The following LUZP2 variants were observed in gnomAD, a reference collection of about 807,000 sequenced individuals.
The protein encoded by LUZP2 is leucine zipper protein 2.
LUZP2 carries 52 observed loss-of-function variants against 51.6 expected under a neutral mutation model. The ratio of observed to expected loss-of-function variants is 1.01; its 90% CI spans 0.81 to 1.27. The LOEUF (loss-of-function observed/expected upper bound fraction) is 1.27. LUZP2 is among the 50% of genes most tolerant of loss of function. The pLI, the probability that LUZP2 is intolerant of heterozygous loss-of-function variation, is 0.00. For synonymous variants in LUZP2, 154 were observed against 137.3 expected (o/e 1.12, Z -0.85); for missense variants, 436 against 395.4 (o/e 1.10, Z -0.87).
intron 1 of LUZP2, among the ~76,000 whole-genome samples, chr11:24,717,473 T>A (rs1284645268): frequency 6.7e-6 from 1 of 150,294 alleles, no homozygotes; most frequent in Non-Finnish European, 1.5e-5. Flanking sequence ...AGTGGCGCCA[T>A]CTCGGCTCAC....
At chr11:24,599,127 T>G (rs879693476) in intron 1 of LUZP2, among the ~76,000 whole-genome samples, 1 of 152,090 alleles carries the variant, frequency 6.6e-6, no homozygotes, top group Admixed American at 6.6e-5. Flanking sequence ...AGCTAGAAAA[T>G]GTTTTCTTCA....
intron 5 of LUZP2, among the ~76,000 whole-genome samples, chr11:24,888,350 A>C (rs1852736832): frequency 1.3e-5 from 2 of 152,128 alleles, no homozygotes; most frequent in Non-Finnish European, 2.9e-5. Context: ...TATTCCAATT[A>C]ATATAGAGTA....
At chr11:24,870,329 A>G (rs1372167637) in intron 5 of LUZP2, among the ~76,000 whole-genome samples, 2 of 152,128 alleles carry the variant, frequency 1.3e-5, no homozygotes, top group East Asian at 3.9e-4. Context: ...GTTTTGGAGA[A>G]CCCATTAATA....
chr11:24,791,843 C>A (rs1849417984), intron 5 of LUZP2, among the ~76,000 whole-genome samples: 1 of 152,020 alleles, frequency 6.6e-6, no homozygotes. Flanking sequence ...TTAGAACTTT[C>A]TTTCTGTGGT....
chr11:24,910,705 GGCGGAA>G (rs1328489427), intron 6 of LUZP2, among the ~76,000 whole-genome samples: 2 of 152,152 alleles, frequency 1.3e-5, no homozygotes, highest in Non-Finnish European at 2.9e-5. Context: ...GTCCTGCAGG[GGCGGAA>G]GCCACATGGA....
chr11:24,917,636 G>A (rs541698302), intron 7 of LUZP2, among the ~76,000 whole-genome samples: 2 of 152,228 alleles, frequency 1.3e-5, no homozygotes, highest in South Asian at 2.1e-4. Flanking sequence ...TCAAAGATCA[G>A]ATGGTTGTAG....
chr11:24,857,654 C>A (rs193283482), intron 5 of LUZP2, among the ~76,000 whole-genome samples: 1 of 150,988 alleles, frequency 6.6e-6, no homozygotes, highest in Non-Finnish European at 1.5e-5. Flanking sequence ...ACAGTGTGAA[C>A]GCTTGAAAAA....
intron 10 of LUZP2, among the ~76,000 whole-genome samples, chr11:25,055,006 C>CTTTTTT (rs1858635812): frequency 9.5e-6 from 1 of 104,910 alleles, no homozygotes; most frequent in African/African-American, 3.6e-5. Flanking sequence ...ATCTTTTTTT[C>CTTTTTT]TTTTCTTTTT....
In LUZP2 at chr11:24,966,644, TAA is replaced by T. The variant is rs1855590307; in HGVS notation, c.523-9946_523-9945del. On this transcript the variant is annotated intron_variant, in intron 7 of 11. Coordinates refer to ENST00000336930, the MANE Select transcript of LUZP2 (RefSeq NM_001009909.4). Reference sequence around the variant, plus strand: ...TATATAATGGCTGATATATTATATATAAGATATATAACATATTTTATACATTG... The same window carrying T: ...TATATAATGGCTGATATATTATATATGATATATAACATATTTTATACATTG... Among the ~76,000 whole-genome samples the T allele has an allele frequency of 1.3e-5, 2 of 148,150 alleles. 1 individual carries two copies. The highest frequency in any genetic ancestry group is 4.2e-4 in the South Asian group (2 of 4,806).
intron 1 of LUZP2, among the ~76,000 whole-genome samples, chr11:24,727,165 A>G (rs993029): frequency 0.82 from 124,463 of 151,990 alleles, 51,486 homozygotes; most frequent in African/African-American, 0.94. Context: ...TTAATTAAAA[A>G]TAAATATAGT....
intron 1 of LUZP2, among the ~76,000 whole-genome samples, chr11:24,561,414 A>C (rs1197846771): frequency 1.3e-5 from 2 of 152,102 alleles, no homozygotes; most frequent in African/African-American, 4.8e-5. Context: ...CTCATTTCAC[A>C]TATAAGAAAA....
chr11:24,657,946 C>A (rs1180200212), intron 1 of LUZP2, among the ~76,000 whole-genome samples: 1 of 152,144 alleles, frequency 6.6e-6, no homozygotes, highest in Non-Finnish European at 1.5e-5. Context: ...AATGGAAGAC[C>A]ATTCCATGCT....
chr11:24,790,473 T>C (rs1193282595), intron 5 of LUZP2, among the ~76,000 whole-genome samples: 1 of 151,846 alleles, frequency 6.6e-6, no homozygotes, highest in Non-Finnish European at 1.5e-5. Flanking sequence ...TCACTGATCA[T>C]TCTTCTTTCA....
chr11:24,847,921 A>G (rs1219424260), intron 5 of LUZP2, among the ~76,000 whole-genome samples: 2 of 152,136 alleles, frequency 1.3e-5, no homozygotes, highest in Non-Finnish European at 2.9e-5. Flanking sequence ...GGTAAGTGGG[A>G]ACTCATTTAA....
At chr11:24,973,399 G>T (rs1188503937) in intron 7 of LUZP2, among the ~76,000 whole-genome samples, 2 of 124,168 alleles carry the variant, frequency 1.6e-5, no homozygotes, top group African/African-American at 2.7e-5. Context: ...CAGCTCCTGG[G>T]TTCATTGATT....
chr11:24,516,078 T>C (rs11027967), intron 1 of LUZP2, among the ~76,000 whole-genome samples: 20,937 of 151,968 alleles, frequency 0.14, 2,415 homozygotes, highest in African/African-American at 0.32. Flanking sequence ...TGATTTTGGA[T>C]GGGCTGTTGA....
At chr11:24,528,392 T>A (rs1469440809) in intron 1 of LUZP2, among the ~76,000 whole-genome samples, 1 of 151,304 alleles carries the variant, frequency 6.6e-6, no homozygotes, top group African/African-American at 2.4e-5. Flanking sequence ...CCAAAGAACA[T>A]CTCAGGGGAG....
Position 24,916,368 on chromosome 11 carries a change from GGTACATGTTCAC to G in LUZP2, c.522+1831_522+1842del, listed in dbSNP as rs1853789319. ...TTTTAAATTATACTTTAAGTTCTAG[GGTACATGTTCAC>G]AATGTGCAAGTTTGTTACTATGTAT... On this transcript the variant is annotated intron_variant, in intron 7 of 11. Transcript: ENST00000336930. Among the ~76,000 whole-genome samples, 3 of 150,952 alleles carry G rather than the reference GGTACATGTTCAC, an allele frequency of 2.0e-5. No homozygotes were observed. The East Asian group carries it at 5.9e-4, about 29-fold the overall frequency.
chr11:24,629,153 C>T (rs1192083675), intron 1 of LUZP2, among the ~76,000 whole-genome samples: 5 of 151,832 alleles, frequency 3.3e-5, no homozygotes, highest in Admixed American at 6.6e-5. Context: ...TTATAGTGGT[C>T]AAATCAGAGC....
Sources: gnomAD v4.1 joint callset for allele counts (sites outside exome capture counted in the v4.1 genomes callset) on GRCh38, gnomAD v4.1.1 for gene constraint, MANE v1.5 for transcripts, NCBI Gene and HGNC (gene_info 2026-07-23, HGNC 2026-07-21) for gene names.